OAF: variants seen among roughly 807,000 people sequenced by gnomAD.
OAF encodes out at first homolog.
In OAF, 13 loss-of-function variants were observed where a neutral mutation model predicts 22.5. The ratio of observed to expected loss-of-function variants is 0.58; its 90% CI spans 0.38 to 0.92. OAF has a LOEUF of 0.92. Among genes scored for constraint, OAF ranks in the 40% least tolerant of loss-of-function variants. The pLI, the probability that OAF is intolerant of heterozygous loss-of-function variation, is 0.00. For missense variants in OAF, 347 were observed against 381.8 expected (o/e 0.91, Z 0.76); for synonymous variants, 175 against 170.5 (o/e 1.03, Z -0.21).
At position 120,225,516 on chromosome 11, in the gene OAF, TAAA is replaced by T. The variant is rs1938343094; in HGVS notation, c.232-142_232-140del. 5.1e-5 allele frequency: 32 copies of T among 625,172 alleles called. No individual in the cohort carries two copies. The South Asian group carries it at 7.9e-4, about 15-fold the overall frequency. The allele number at this position is 625,172 out of a possible 1,614,324, so 38.7% of individuals were successfully genotyped here. On this transcript the variant is annotated intron_variant, in intron 1 of 3. Transcript: ENST00000328965. ...AAGTCACGGGTTTAAACGGAAAAGA[TAAA>T]AATTCCTAGACCAGCAGGAGGGAGG...
chr11:120,211,565 C>G (rs984549144), intron 1 of OAF, 55 bp downstream of exon 1: 1 of 1,250,564 alleles, frequency 8.0e-7, no homozygotes, highest in African/African-American at 1.6e-5. Flanking sequence ...CCCCCGGGAT[C>G]CCAGGCGCTC....
intron 1 of OAF, among the ~76,000 whole-genome samples, chr11:120,220,566 G>C (rs768330073): frequency 6.6e-6 from 1 of 152,174 alleles, no homozygotes; most frequent in Non-Finnish European, 1.5e-5. Flanking sequence ...GTAAACAGTG[G>C]GATTTGTGCT....
At chr11:120,217,042 G>A (rs1391703436) in intron 1 of OAF, 2 of 152,230 alleles carry the variant, frequency 1.3e-5, no homozygotes, top group African/African-American at 4.8e-5. Flanking sequence ...ACCATGAGTG[G>A]GCTCCTTCCA....
chr11:120,221,359 G>A (rs917608099), intron 1 of OAF, among the ~76,000 whole-genome samples: 12 of 152,174 alleles, frequency 7.9e-5, no homozygotes, highest in Admixed American at 7.2e-4. Flanking sequence ...TAGGCCATAG[G>A]TACATCTAGA....
Position 120,229,375 on chromosome 11 carries a change from G to C in OAF, c.*233G>C. On this transcript the variant is annotated 3_prime_UTR_variant, in exon 4 of 4. Coordinates refer to ENST00000328965, the MANE Select transcript of OAF (RefSeq NM_178507.4). ...CTGTGCCTTCCTTGCGGGCAGAGAG[G>C]GAGAGAAGGGCTCCCCAGATCTACA... The C allele has an allele frequency of 3.9e-5, 16 of 409,922 alleles. No individual in the cohort carries two copies. Among genetic ancestry groups the C allele is most frequent in the Admixed American group, 9.8e-5 (2 of 20,508 alleles). The allele number at this position is 409,922 out of a possible 1,614,324, so 25.4% of individuals were successfully genotyped here. A position where few individuals can be genotyped will look rare whatever the true frequency, so the allele number is the denominator to read the frequency against.
At chr11:120,218,288 G>C (rs1415414846) in intron 1 of OAF, among the ~76,000 whole-genome samples, 2 of 152,196 alleles carry the variant, frequency 1.3e-5, no homozygotes, top group Non-Finnish European at 2.9e-5. Context: ...TCATGGGGCG[G>C]CCTAGGTCCC....
intron 1 of OAF, among the ~76,000 whole-genome samples, chr11:120,222,792 G>C (rs967145111): frequency 6.6e-6 from 1 of 151,546 alleles, no homozygotes; most frequent in Non-Finnish European, 1.5e-5. Flanking sequence ...CATGCCTGTA[G>C]TCCCAGCTAC....
chr11:120,227,074 G>A, intron 3 of OAF, 78 bp downstream of exon 3: 1 of 991,466 alleles, frequency 1.0e-6, no homozygotes, highest in African/African-American at 1.6e-5. Context: ...AGTGGAGGAG[G>A]GCAGGGGCAT....
rs1938141156 is a variant in OAF, at chr11:120,211,326, T to TGCTGCC, written c.53_58dup (p.Pro18_Leu19dup). On this transcript the variant is annotated inframe_insertion, in exon 1 of 4. Coordinates refer to ENST00000328965, the MANE Select transcript of OAF (RefSeq NM_178507.4). ...CTGGCGCGCCCTGCGCTGCTGCTGC[T>TGCTGCC]GCTGCCGCTGCTCGCGCCGCTGCTG... The TGCTGCC allele has an allele frequency of 3.2e-5, 44 of 1,396,040 alleles. No homozygotes were observed. The highest frequency in any genetic ancestry group is 3.9e-5 in the Non-Finnish European group (42 of 1,075,162). 86.5% of individuals were successfully genotyped at this position (1,396,040 alleles called of 1,614,324 possible).
At position 120,229,294 on chromosome 11, in the gene OAF, C is replaced by A; in HGVS notation, c.*152C>A. The A allele has an allele frequency of 1.4e-6, 1 of 695,630 alleles. No individual in the cohort carries two copies. Among genetic ancestry groups the A allele is most frequent in the Non-Finnish European group, 2.4e-6 (1 of 421,954 alleles). The allele number at this position is 695,630 out of a possible 1,614,324, so 43.1% of individuals were successfully genotyped here. On this transcript the variant is annotated 3_prime_UTR_variant, in exon 4 of 4. Transcript: ENST00000328965. ...GCCCCTCTGGCCCCATCTCACATGACTGTGAAGGGGGTGTGGCATGGCAGG... is the reference window on the plus strand; with the variant it reads ...GCCCCTCTGGCCCCATCTCACATGAATGTGAAGGGGGTGTGGCATGGCAGG...
chr11:120,211,432 C>G lies in OAF; in HGVS notation c.153C>G (p.Asp51Glu). ...TGACCGAGGAGAGCCTGCAGGCGGA[C>G]AGCGACGCGGACAGCATCAGCCTCG... The part of the protein sequence containing the change: ...GQVTEESLQA[D>E]SDADSISLEL... Residue 51 changes from aspartate to glutamate, a missense_variant, in exon 1 of 4, where the codon GAC (aspartate) becomes GAG (glutamate). By Grantham distance (45) the Asp-to-Glu change is conservative. Transcript: ENST00000328965. 2 of 1,562,488 alleles carry G rather than the reference C, an allele frequency of 1.3e-6. No homozygotes were observed. Among genetic ancestry groups the G allele is most frequent in the African/African-American group, 1.4e-5 (1 of 71,230 alleles).
intron 1 of OAF, among the ~76,000 whole-genome samples, chr11:120,218,481 G>A (rs138738215): frequency 0.027 from 4,182 of 152,316 alleles, 72 homozygotes; most frequent in South Asian, 0.075. Flanking sequence ...GCCCAGCGAA[G>A]CCAGCCACTT....
In OAF at chr11:120,229,175, G is replaced by A. The variant is rs1395042144; in HGVS notation, c.*33G>A. On this transcript the variant is annotated 3_prime_UTR_variant, in exon 4 of 4. Transcript: ENST00000328965. ...GCAACCTGGCGGGTGGCTGCTCTGG[G>A]CCCACTGCTCTTCACCAGCCACTAG... is the stretch of plus-strand genomic sequence containing the variant. 5.0e-6 allele frequency: 8 copies of A among 1,590,778 alleles called. No homozygotes were observed. The South Asian group carries it at 9.0e-5, about 18-fold the overall frequency.
intron 1 of OAF, chr11:120,217,443 G>A (rs1565341400): frequency 6.6e-6 from 1 of 152,228 alleles, no homozygotes; most frequent in Non-Finnish European, 1.5e-5. Flanking sequence ...GCCAGGCATG[G>A]TGGTGTGTGC....
intron 1 of OAF, among the ~76,000 whole-genome samples, chr11:120,221,041 T>C (rs1938274692): frequency 6.6e-6 from 1 of 152,186 alleles, no homozygotes; most frequent in African/African-American, 2.4e-5. Flanking sequence ...TCCCTCACTG[T>C]GCGAAGTCTT....
chr11:120,224,895 C>A (rs868210069), intron 1 of OAF, among the ~76,000 whole-genome samples: 3 of 152,170 alleles, frequency 2.0e-5, no homozygotes, highest in Non-Finnish European at 4.4e-5. Flanking sequence ...CTCCAGCAGC[C>A]GGATAGGGAA....
chr11:120,218,453 C>A (rs376711432), intron 1 of OAF, among the ~76,000 whole-genome samples: 2 of 152,312 alleles, frequency 1.3e-5, no homozygotes, highest in South Asian at 2.1e-4. Context: ...GCAGGCTAAA[C>A]CCCCTCTCCC....
intron 1 of OAF, among the ~76,000 whole-genome samples, chr11:120,225,148 A>G (rs1938334546): frequency 6.6e-6 from 1 of 151,544 alleles, no homozygotes; most frequent in Non-Finnish European, 1.5e-5. Flanking sequence ...CGGCCCCACC[A>G]CTCCACTCAC....
At position 120,225,739 on chromosome 11, in the gene OAF, A is replaced by G. The variant is rs1348173628; in HGVS notation, c.310A>G (p.Thr104Ala). ...QSQFQALCFV[T>A]QLQHNEIIPS... ...TCAGTTCCAGGCCCTCTGCTTTGTCACCCAGCTGCAGCACAATGAGATCAT... is the reference window on the plus strand; with the variant it reads ...TCAGTTCCAGGCCCTCTGCTTTGTCGCCCAGCTGCAGCACAATGAGATCAT... Residue 104 changes from threonine (T) to alanine (A), a missense_variant, in exon 2 of 4, where the codon ACC (threonine) becomes GCC (alanine). Thr to Ala is a moderately conservative substitution (Grantham distance 58, BLOSUM62 0). Coordinates refer to ENST00000328965, the MANE Select transcript of OAF (RefSeq NM_178507.4). 2 of 1,605,978 alleles carry G rather than the reference A, an allele frequency of 1.2e-6. No individual in the cohort carries two copies. The highest frequency in any genetic ancestry group is 4.6e-5 in the East Asian group (2 of 43,698).
Sources: allele counts gnomAD v4.1 joint callset (sites outside exome capture counted in the v4.1 genomes callset), GRCh38; gene constraint gnomAD v4.1.1; transcripts MANE v1.5; gene names NCBI Gene and HGNC (gene_info 2026-07-23, HGNC 2026-07-21).